CBFA2T3: variants seen among roughly 807,000 people sequenced by gnomAD.
CBFA2T3 encodes CBFA2/RUNX1 partner transcriptional co-repressor 3.
In CBFA2T3, 31 loss-of-function variants were observed where a neutral mutation model predicts 58.6. The ratio of observed to expected loss-of-function variants is 0.53; its 90% CI spans 0.40 to 0.71. The LOEUF (loss-of-function observed/expected upper bound fraction) is 0.71. Ranked by LOEUF, CBFA2T3 falls within the 30% of genes least tolerant of loss-of-function variation. The probability of loss-of-function intolerance (pLI) is 0.00; values close to 1 mark genes in which losing one functional copy is unlikely to be tolerated. For missense variants in CBFA2T3, 1,076 were observed against 963.1 expected (o/e 1.12, Z -1.55); for synonymous variants, 531 against 421.9 (o/e 1.26, Z -3.17).
intron 1 of CBFA2T3, among the ~76,000 whole-genome samples, chr16:88,920,457 TTTTTTTA>T (rs1190094623): frequency 7.3e-6 from 1 of 137,656 alleles, no homozygotes; most frequent in Non-Finnish European, 1.7e-5. Flanking sequence ...TTTTTTTTTT[TTTTTTTA>T]AATAGAGACT....
At chr16:88,924,661 G>T (rs892170882) in intron 1 of CBFA2T3, among the ~76,000 whole-genome samples, 17 of 152,348 alleles carry the variant, frequency 1.1e-4, no homozygotes, top group African/African-American at 2.9e-4. Flanking sequence ...AGAGCCCCAT[G>T]GCCGGGAGCA....
intron 1 of CBFA2T3, among the ~76,000 whole-genome samples, chr16:88,957,191 A>C (rs1363325582): frequency 6.6e-6 from 1 of 151,084 alleles, no homozygotes. Context: ...CCATCGACCC[A>C]CTCCCCGGCA....
chr16:88,892,197 A>G, intron 4 of CBFA2T3, 47 bp downstream of exon 4: 1 of 1,576,602 alleles, frequency 6.3e-7, no homozygotes, highest in Non-Finnish European at 8.6e-7. Context: ...CATTAAACGG[A>G]GGGAATATGC....
At chr16:88,897,363 C>T (rs1969928572) in intron 3 of CBFA2T3, among the ~76,000 whole-genome samples, 1 of 152,256 alleles carries the variant, frequency 6.6e-6, no homozygotes, top group Non-Finnish European at 1.5e-5. Context: ...CTGGGCCATG[C>T]TGCCAGGCTG....
At chr16:88,921,586 A>G (rs1482503036) in intron 1 of CBFA2T3, among the ~76,000 whole-genome samples, 1 of 137,342 alleles carries the variant, frequency 7.3e-6, no homozygotes, top group Non-Finnish European at 1.5e-5. Flanking sequence ...TTCTTGGGCC[A>G]CATTTTGCTG....
At chr16:88,935,936 G>A (rs1308777948) in intron 1 of CBFA2T3, among the ~76,000 whole-genome samples, 1 of 151,636 alleles carries the variant, frequency 6.6e-6, no homozygotes, top group Non-Finnish European at 1.5e-5. Context: ...GCTGGGAGGG[G>A]AGTCGAATCC....
At chr16:88,917,860 G>A (rs77152166) in intron 1 of CBFA2T3, among the ~76,000 whole-genome samples, 3,628 of 150,378 alleles carry the variant, frequency 0.024, 172 homozygotes, top group African/African-American at 0.082. Context: ...CAGAGTGGGT[G>A]CGGAGGAGAG....
Position 88,879,571 on chromosome 16 carries a change from C to T in CBFA2T3, c.1472-111G>A, listed in dbSNP as rs1023580701. On this transcript the variant is annotated intron_variant, in intron 10 of 11. Transcript: ENST00000268679. ...GACAGGGGCTGTGTGCAGCTGAACACACGTACCATCTGTGCACACAAAGGC... is the reference window on the plus strand; with the variant it reads ...GACAGGGGCTGTGTGCAGCTGAACATACGTACCATCTGTGCACACAAAGGC... 3 of 926,204 alleles carry T rather than the reference C, an allele frequency of 3.2e-6. No individual in the cohort carries two copies. The African/African-American group carries it at 4.9e-5, about 15-fold the overall frequency. 57.4% of individuals were successfully genotyped at this position (926,204 alleles called of 1,614,324 possible).
chr16:88,910,989 G>A (rs1970513086), intron 1 of CBFA2T3, among the ~76,000 whole-genome samples: 1 of 152,192 alleles, frequency 6.6e-6, no homozygotes, highest in Non-Finnish European at 1.5e-5. Context: ...TCCACATCTG[G>A]CTTGTATCCA....
chr16:88,882,642 G>A, intron 8 of CBFA2T3, 34 bp downstream of exon 8: 1 of 1,415,944 alleles, frequency 7.1e-7, no homozygotes, highest in Non-Finnish European at 9.8e-7. Context: ...GCCTGGGCAT[G>A]GCTGTGTGGG....
At chr16:88,940,775 G>A (rs564772279) in intron 1 of CBFA2T3, among the ~76,000 whole-genome samples, 249 of 152,276 alleles carry the variant, frequency 1.6e-3, no homozygotes, top group African/African-American at 5.8e-3. Context: ...GAGACTCCCA[G>A]CGCCCGGGCG....
intron 1 of CBFA2T3, among the ~76,000 whole-genome samples, chr16:88,936,532 C>G (rs1330239405): frequency 6.6e-6 from 1 of 152,160 alleles, no homozygotes; most frequent in East Asian, 1.9e-4. Flanking sequence ...CGACCTCAGC[C>G]TCAGGGGCAG....
At chr16:88,943,540 A>G (rs950401746) in intron 1 of CBFA2T3, among the ~76,000 whole-genome samples, 47 of 152,146 alleles carry the variant, frequency 3.1e-4, no homozygotes, top group Non-Finnish European at 5.0e-4. Context: ...GAAGAAAGGG[A>G]TATCGCAGGC....
rs148103539 is a variant in CBFA2T3 at position 88,974,299 on chromosome 16, G to A, written c.151+2358C>T. Among the ~76,000 whole-genome samples, 9 of 152,254 alleles carry A rather than the reference G, an allele frequency of 5.9e-5. No individual in the cohort carries two copies. In the East Asian group the frequency reaches 1.4e-3, roughly 23 times the overall value. On this transcript the variant is annotated intron_variant, in intron 1 of 11. Transcript: ENST00000268679. ...TCGTAAACCCAGCACCGCAAGCACCGTCTTCAGGGGTTCCTTCTGCACCAC... is the reference window on the plus strand; with the variant it reads ...TCGTAAACCCAGCACCGCAAGCACCATCTTCAGGGGTTCCTTCTGCACCAC...
At chr16:88,886,481 G>A (rs978990747) in intron 5 of CBFA2T3, 4 of 235,114 alleles carry the variant, frequency 1.7e-5, no homozygotes, top group African/African-American at 9.0e-5. Flanking sequence ...AAGGCGAGAG[G>A]ACGAAGGGGC....
At chr16:88,927,491 C>A in intron 1 of CBFA2T3, among the ~76,000 whole-genome samples, 1 of 152,306 alleles carries the variant, frequency 6.6e-6, no homozygotes, top group East Asian at 1.9e-4. Flanking sequence ...CTGTTCTCCT[C>A]CAGGGACCTC....
chr16:88,887,681 G>A (rs1272765590), intron 5 of CBFA2T3, among the ~76,000 whole-genome samples: 1 of 152,202 alleles, frequency 6.6e-6, no homozygotes, highest in Non-Finnish European at 1.5e-5. Flanking sequence ...CTCCGGCAGT[G>A]CCTCCTTCAA....
Position 88,892,388 on chromosome 16 carries a change from G to C in CBFA2T3, c.477C>G (p.Ser159=), listed in dbSNP as rs760183906. The C allele has an allele frequency of 3.1e-6, 5 of 1,613,600 alleles. No individual in the cohort carries two copies. The South Asian group carries it at 5.5e-5, about 18-fold the overall frequency. Residue 159 remains serine (S), a synonymous_variant, in exon 4 of 12, where the codon TCC becomes TCG. Coordinates refer to ENST00000268679, the MANE Select transcript of CBFA2T3 (RefSeq NM_005187.6). ...CTGGGGGCAGGTGCTGTGTGGACAA[G>C]GAGGCTGTGGACGAGGTGGCCGGGC... ...SNGPATSSTA[S]LSTQHLPPAC...
intron 1 of CBFA2T3, among the ~76,000 whole-genome samples, chr16:88,974,369 G>A (rs1038669368): frequency 6.6e-6 from 1 of 152,062 alleles, no homozygotes. Context: ...GCGTGAGGGG[G>A]CTGGTGAAGG....
Sources: allele counts gnomAD v4.1 joint callset (sites outside exome capture counted in the v4.1 genomes callset), GRCh38; gene constraint gnomAD v4.1.1; transcripts MANE v1.5; gene names NCBI Gene and HGNC (gene_info 2026-07-23, HGNC 2026-07-21).